BUD23: variants seen among roughly 807,000 people sequenced by gnomAD.
BUD23 encodes 18S rRNA (guanine-N(7))-methyltransferase.
BUD23 carries 34 observed loss-of-function variants against 47.0 expected under a neutral mutation model. The ratio of observed to expected loss-of-function variants is 0.72; its 90% CI spans 0.55 to 0.96. The LOEUF is 0.96. Among genes scored for constraint, BUD23 ranks in the 40% least tolerant of loss-of-function variants. BUD23 has a pLI of 0.00. For missense variants in BUD23, 343 were observed against 361.2 expected (o/e 0.95, Z 0.41); for synonymous variants, 124 against 132.0 (o/e 0.94, Z 0.41).
chr7:73,683,601 G>T lies in BUD23; in HGVS notation c.-25G>T, dbSNP rs1554611999. 3 of 1,596,100 alleles carry T rather than the reference G, an allele frequency of 1.9e-6. No individual in the cohort carries two copies. The highest frequency in any genetic ancestry group is 2.6e-6 in the Non-Finnish European group (3 of 1,172,454). ...AACCGGGTGCCGGCAGGCGCCAGTC[G>T]CAGGTGTGCTGCTGAGGCGTGAGAA... is the stretch of plus-strand genomic sequence containing the variant. On this transcript the variant is annotated 5_prime_UTR_variant, in exon 1 of 12. Coordinates refer to ENST00000265758, the MANE Select transcript of BUD23 (RefSeq NM_017528.5).
chr7:73,694,293 C>G, intron 10 of BUD23: 1 of 452,666 alleles, frequency 2.2e-6, no homozygotes, highest in Non-Finnish European at 3.9e-6. Flanking sequence ...CATGCCCCTT[C>G]CCCTTGCCAC....
chr7:73,697,334 C>T, intron 10 of BUD23: 1 of 1,079,240 alleles, frequency 9.3e-7, no homozygotes, highest in South Asian at 1.5e-5. Context: ...GAAGAGGGAA[C>T]AGACTGCTCG....
At chr7:73,691,039 G>A (rs199850278) in intron 6 of BUD23, 27 bp downstream of exon 6, 1 of 1,601,148 alleles carries the variant, frequency 6.2e-7, no homozygotes. Flanking sequence ...CTCCCCATCT[G>A]GGTTAGCTGC....
chr7:73,697,996 TAAA>T lies in BUD23; in HGVS notation c.*117_*119del, dbSNP rs879991709. 7.3e-7 allele frequency: 1 copy of T among 1,362,296 alleles called. No individual in the cohort carries two copies. The highest frequency in any genetic ancestry group is 9.8e-7 in the Non-Finnish European group (1 of 1,023,196). The allele number at this position is 1,362,296 out of a possible 1,614,324, so 84.4% of individuals were successfully genotyped here. On this transcript the variant is annotated 3_prime_UTR_variant, in exon 12 of 12. Transcript: ENST00000265758. ...AAAGTTATAAAAATGTTTTCTGCAGTAAAAAAAAAGTTCTCTGGGCCGGGCGTG... is the reference window on the plus strand; with the variant it reads ...AAAGTTATAAAAATGTTTTCTGCAGTAAAAAAGTTCTCTGGGCCGGGCGTG...
chr7:73,689,080 T>C (rs111602115), intron 5 of BUD23, among the ~76,000 whole-genome samples: 5,335 of 152,248 alleles, frequency 0.035, 92 homozygotes, highest in African/African-American at 0.04. Flanking sequence ...GACGGATTCT[T>C]ACTGTATTGT....
intron 2 of BUD23, chr7:73,684,053 C>A: frequency 7.5e-7 from 1 of 1,339,946 alleles, no homozygotes. Context: ...TCGAATGTGA[C>A]AATTTGTCCT....
intron 5 of BUD23, 121 bp from the exon 6 acceptor site, chr7:73,690,795 G>A (rs2116689566): frequency 1.3e-6 from 1 of 746,048 alleles, no homozygotes; most frequent in Non-Finnish European, 2.3e-6. Context: ...TTCTAAGAAG[G>A]GAAGCTGTGG....
intron 10 of BUD23, chr7:73,697,349 T>C (rs1798446825): frequency 4.9e-6 from 6 of 1,226,826 alleles, no homozygotes; most frequent in Non-Finnish European, 6.8e-6. Context: ...TGCTCGCTGG[T>C]GTTTAGGTCT....
At chr7:73,684,853 G>A (rs1340485099) in intron 2 of BUD23, among the ~76,000 whole-genome samples, 2 of 146,060 alleles carry the variant, frequency 1.4e-5, no homozygotes, top group Non-Finnish European at 3.0e-5. Flanking sequence ...GAACCCGGGA[G>A]GGGGAGGTTG....
rs568385945 is a variant in BUD23, at chr7:73,692,657, C to T, written c.510+11C>T. The T allele has an allele frequency of 1.7e-4, 272 of 1,612,342 alleles. 3 individuals carry two copies. Among genetic ancestry groups the T allele is most frequent in the South Asian group, 1.5e-3 (141 of 91,010 alleles). On this transcript the variant is annotated intron_variant, in intron 7 of 11. Transcript: ENST00000265758. ...GAGAACTCAGAGCAGGTGAGTCCCT[C>T]GGCTACTGGGTGTGCCGGGGAGTTG...
At chr7:73,685,092 A>AGGTCAGG (rs1447932547) in intron 2 of BUD23, among the ~76,000 whole-genome samples, 6 of 151,936 alleles carry the variant, frequency 3.9e-5, no homozygotes, top group African/African-American at 1.2e-4. Flanking sequence ...GGATCACCTG[A>AGGTCAGG]GGTCAGGAAT....
chr7:73,685,695 G>A (rs1797939213), intron 2 of BUD23, among the ~76,000 whole-genome samples: 1 of 152,126 alleles, frequency 6.6e-6, no homozygotes, highest in Admixed American at 6.5e-5. Flanking sequence ...GAGCCACCAG[G>A]CCCGGTCCTT....
Position 73,697,619 on chromosome 7 carries a change from T to A in BUD23, c.716T>A (p.Met239Lys). The A allele has an allele frequency of 6.2e-7, 1 of 1,613,616 alleles. No homozygotes were observed. The highest frequency in any genetic ancestry group is 8.5e-7 in the Non-Finnish European group (1 of 1,179,956). The part of the protein sequence containing the change: ...VFTNERFPLR[M>K]SRRGMVRKSR... ...CTCCGCCACAGGTTCCCATTAAGGA[T>A]GTCGAGGCGGGGAATGGTGAGGAAG... is the stretch of plus-strand genomic sequence containing the variant. Residue 239 changes from methionine (M) to lysine (K), a missense_variant, in exon 11 of 12, where the codon ATG (methionine) becomes AAG (lysine). By Grantham distance (95) the Met-to-Lys change is moderately conservative. Transcript: ENST00000265758.
chr7:73,686,924 A>T, intron 4 of BUD23, 24 bp downstream of exon 4: 1 of 1,614,146 alleles, frequency 6.2e-7, no homozygotes, highest in South Asian at 1.1e-5. Flanking sequence ...GTCTGGCACC[A>T]GGGTGGATTA....
chr7:73,691,109 G>A, intron 6 of BUD23, 97 bp downstream of exon 6: 2 of 1,087,152 alleles, frequency 1.8e-6, no homozygotes, highest in South Asian at 1.3e-5. Flanking sequence ...TGATGGGTAA[G>A]CTACTCATAT....
At chr7:73,683,942 C>A in intron 2 of BUD23, 138 bp downstream of exon 2, 1 of 1,568,892 alleles carries the variant, frequency 6.4e-7, no homozygotes. Context: ...CGATTTCTGT[C>A]TCTGGTAAAT....
chr7:73,683,617 G>A lies in BUD23; in HGVS notation c.-9G>A, dbSNP rs373131972. On this transcript the variant is annotated 5_prime_UTR_variant, in exon 1 of 12. Coordinates refer to ENST00000265758, the MANE Select transcript of BUD23 (RefSeq NM_017528.5). ...GCGCCAGTCGCAGGTGTGCTGCTGA[G>A]GCGTGAGAATGGCGTCCCGCGGCCG... The A allele has an allele frequency of 1.2e-6, 2 of 1,607,214 alleles. No homozygotes were observed.
intron 5 of BUD23, among the ~76,000 whole-genome samples, 192 bp downstream of exon 5, chr7:73,687,287 T>G (rs1554613207): frequency 6.6e-6 from 1 of 152,128 alleles, no homozygotes; most frequent in African/African-American, 2.4e-5. Context: ...GCTAATTTTT[T>G]GTTTTTTTGA....
At chr7:73,691,055 C>A in intron 6 of BUD23, 43 bp downstream of exon 6, 1 of 1,547,132 alleles carries the variant, frequency 6.5e-7, no homozygotes, top group Non-Finnish European at 8.9e-7. Flanking sequence ...GCTGCCTGTC[C>A]CTCCCTAGCA....
Sources: gnomAD v4.1 joint callset for allele counts (sites outside exome capture counted in the v4.1 genomes callset) on GRCh38, gnomAD v4.1.1 for gene constraint, MANE v1.5 for transcripts, NCBI Gene and HGNC (gene_info 2026-07-23, HGNC 2026-07-21) for gene names.